The following PCDH11Y variants were observed in gnomAD, a reference collection of about 807,000 sequenced individuals.
The protein encoded by PCDH11Y is protocadherin 11 Y-linked.
For missense variants in PCDH11Y, 12 were observed against 224.8 expected, an observed-to-expected ratio of 0.05 and a Z score of 6.05; for synonymous variants, 9 against 83.6, an observed-to-expected ratio of 0.11 and a Z score of 4.87.
chrY:5,580,394 T>C, intron 3 of PCDH11Y, among the ~76,000 whole-genome samples: 1 of 31,343 alleles, frequency 3.2e-5, no homozygotes, highest in Admixed American at 3.0e-4. Context: ...TTTAAAGCAG[T>C]CTTTCTCTTT....
Position 5,330,265 on chromosome Y carries a change from G to A in PCDH11Y, c.3130-170792G>A. Among the ~76,000 whole-genome samples the A allele has an allele frequency of 1.2e-4, 4 of 33,040 alleles. No homozygotes were observed. In the East Asian group the frequency reaches 3.3e-3, roughly 27 times the overall value. The allele number at this position is 33,040 out of a possible 37,273, so 88.6% of individuals were successfully genotyped here. The stretch of plus-strand genomic sequence containing the variant: ...AAGGTAACGTCATCAGTTAAGGCAA[G>A]GACCGGCCATTTACACTTCTTTTGT... On this transcript the variant is annotated intron_variant, in intron 2 of 4. Transcript: ENST00000400457.
downstream of PCDH11Y, among the ~76,000 whole-genome samples, chrY:5,108,492 A>C: frequency 1.2e-4 from 4 of 32,944 alleles, no homozygotes; most frequent in Non-Finnish European, 2.2e-4. Context: ...TTATGCCTGT[A>C]ATCCCAGTAC....
At chrY:5,703,497 A>G in intron 4 of PCDH11Y, among the ~76,000 whole-genome samples, 1 of 33,521 alleles carries the variant, frequency 3.0e-5, no homozygotes, top group Non-Finnish European at 7.4e-5. Context: ...ATCTTCTCAG[A>G]TCCTACAGAT....
At chrY:5,573,331 T>C (rs2124696454) in intron 3 of PCDH11Y, 1 of 272,128 alleles carries the variant, frequency 3.7e-6, no homozygotes, top group African/African-American at 7.3e-5. Context: ...CCTGGGGGCC[T>C]GGCCGCGGGG....
At chrY:5,246,734 T>C (rs112248639) in intron 2 of PCDH11Y, among the ~76,000 whole-genome samples, 1 of 33,139 alleles carries the variant, frequency 3.0e-5, no homozygotes, top group East Asian at 8.0e-4. Context: ...CATAACAATA[T>C]TAACCTTAAA....
chrY:5,311,648 T>C, intron 2 of PCDH11Y, among the ~76,000 whole-genome samples: 1 of 28,921 alleles, frequency 3.5e-5, no homozygotes, highest in African/African-American at 1.4e-4. Flanking sequence ...AGAGGTCTCA[T>C]GAAGCTTTAG....
At chrY:5,443,873 C>T (rs2053284642) in intron 2 of PCDH11Y, among the ~76,000 whole-genome samples, 1 of 32,936 alleles carries the variant, frequency 3.0e-5, no homozygotes, top group Non-Finnish European at 7.6e-5. Flanking sequence ...AGACAAACTT[C>T]ACATGTTCTC....
intron 1 of PCDH11Y, among the ~76,000 whole-genome samples, chrY:5,089,127 C>T: frequency 6.4e-5 from 2 of 31,339 alleles, no homozygotes; most frequent in Non-Finnish European, 1.5e-4. Flanking sequence ...TCTCTTTTTA[C>T]TTCAATTATC....
At chrY:5,116,670 A>C (rs2052811161) in intron 2 of PCDH11Y, among the ~76,000 whole-genome samples, 1 of 33,252 alleles carries the variant, frequency 3.0e-5, no homozygotes, top group Non-Finnish European at 7.4e-5. Flanking sequence ...AGAGGCCAAA[A>C]GTATGTTTTA....
intron 4 of PCDH11Y, among the ~76,000 whole-genome samples, chrY:5,582,805 G>C (rs2053451839): frequency 3.1e-5 from 1 of 32,299 alleles, no homozygotes; most frequent in African/African-American, 1.2e-4. Context: ...CTGTGTTGGG[G>C]TACTTCTTCT....
At chrY:5,519,250 C>A in intron 3 of PCDH11Y, among the ~76,000 whole-genome samples, 5 of 31,577 alleles carry the variant, frequency 1.6e-4, no homozygotes, top group Non-Finnish European at 3.8e-4. Flanking sequence ...ATTAGCTGGG[C>A]GTGGTGGCGG....
chrY:5,580,288 G>A, intron 3 of PCDH11Y, among the ~76,000 whole-genome samples: 3 of 31,180 alleles, frequency 9.6e-5, no homozygotes, highest in African/African-American at 3.7e-4. Flanking sequence ...GACCTTTTTA[G>A]TTACCAAATT....
At chrY:5,388,930 T>C in intron 2 of PCDH11Y, among the ~76,000 whole-genome samples, 1 of 33,895 alleles carries the variant, frequency 3.0e-5, no homozygotes, top group Admixed American at 2.7e-4. Context: ...TACTTTTTAA[T>C]TAGAATTATC....
intron 2 of PCDH11Y, among the ~76,000 whole-genome samples, chrY:5,193,397 C>A: frequency 3.0e-5 from 1 of 33,166 alleles, no homozygotes; most frequent in Non-Finnish European, 7.4e-5. Flanking sequence ...ATGTCTAATT[C>A]ACCATGCCAC....
At chrY:5,218,319 G>C in intron 2 of PCDH11Y, among the ~76,000 whole-genome samples, 6 of 33,012 alleles carry the variant, frequency 1.8e-4, no homozygotes, top group Admixed American at 1.7e-3. Context: ...GCTTTAAAAG[G>C]CTGCTTTCGG....
chrY:5,602,325 C>A, intron 4 of PCDH11Y, among the ~76,000 whole-genome samples: 9 of 31,305 alleles, frequency 2.9e-4, no homozygotes, highest in Non-Finnish European at 7.8e-5. Flanking sequence ...GTATTTCACT[C>A]ACTTTTGACC....
intron 3 of PCDH11Y, among the ~76,000 whole-genome samples, chrY:5,551,978 C>A: frequency 3.1e-5 from 1 of 32,532 alleles, no homozygotes; most frequent in Non-Finnish European, 7.6e-5. Context: ...GTCCCCATGT[C>A]ATATGAAAGT....
At chrY:5,375,574 T>A in intron 2 of PCDH11Y, among the ~76,000 whole-genome samples, 1 of 32,393 alleles carries the variant, frequency 3.1e-5, no homozygotes, top group Non-Finnish European at 7.5e-5. Context: ...TCAATAAAAA[T>A]TTTAAGATTG....
At chrY:5,030,380 G>A (rs2052587892) in intron 1 of PCDH11Y, among the ~76,000 whole-genome samples, 5 of 33,748 alleles carry the variant, frequency 1.5e-4, no homozygotes, top group Non-Finnish European at 3.7e-4. Context: ...TATAATTAAC[G>A]TATAAGGTTT....
Sources: gnomAD v4.1 joint callset for allele counts (sites outside exome capture counted in the v4.1 genomes callset) on GRCh38, gnomAD v4.1.1 for gene constraint, MANE v1.5 for transcripts, NCBI Gene and HGNC (gene_info 2026-07-23, HGNC 2026-07-21) for gene names.